FSTL4: variants seen among roughly 807,000 people sequenced by gnomAD.
FSTL4 encodes follistatin like 4.
Under a neutral mutation model 78.2 loss-of-function variants are expected in FSTL4, and 28 were observed. The observed-to-expected ratio is 0.36, with a 90% CI of 0.27 to 0.49. The LOEUF (loss-of-function observed/expected upper bound fraction) is 0.49, where lower values mean the gene tolerates loss of function less well. Among genes scored for constraint, FSTL4 ranks in the 20% least tolerant of loss-of-function variants. The probability of loss-of-function intolerance (pLI) is 0.98; values close to 1 mark genes in which losing one functional copy is unlikely to be tolerated. For synonymous variants in FSTL4, 422 were observed against 440.5 expected (o/e 0.96, Z 0.53); for missense variants, 922 against 1,084.9 (o/e 0.85, Z 2.11).
chr5:133,600,385 T>G (rs256249), intron 2 of FSTL4, among the ~76,000 whole-genome samples: 2 of 149,438 alleles, frequency 1.3e-5, no homozygotes, highest in African/African-American at 5.0e-5. Context: ...TTGGATGTAA[T>G]CCCGTCATAA....
chr5:133,288,499 T>C (rs1753187628), intron 6 of FSTL4, among the ~76,000 whole-genome samples: 2 of 152,222 alleles, frequency 1.3e-5, no homozygotes, highest in South Asian at 2.1e-4. Context: ...AACAGCTTCA[T>C]ATTCAGTACC....
At chr5:133,769,824 A>C in the FSTL4 span, among the ~76,000 whole-genome samples, 1 of 152,232 alleles carries the variant, frequency 6.6e-6, no homozygotes, top group South Asian at 2.1e-4. Flanking sequence ...ATTGTACCCA[A>C]TAGGAATTTT....
chr5:133,209,000 G>C (rs1438766786), intron 14 of FSTL4, among the ~76,000 whole-genome samples: 1 of 152,128 alleles, frequency 6.6e-6, no homozygotes, highest in Non-Finnish European at 1.5e-5. Context: ...GTTTTAAACT[G>C]GGAAATCTTT....
chr5:133,318,825 GTAAA>G (rs1753974178), intron 4 of FSTL4, among the ~76,000 whole-genome samples: 1 of 152,222 alleles, frequency 6.6e-6, no homozygotes. Flanking sequence ...TTGGTGGGGC[GTAAA>G]CCACTTCTGA....
chr5:133,785,430 C>T, the FSTL4 span, among the ~76,000 whole-genome samples: 1 of 152,224 alleles, frequency 6.6e-6, no homozygotes, highest in Non-Finnish European at 1.5e-5. Context: ...CTCCAGGGAA[C>T]CTCTACATGC....
chr5:133,427,681 A>C (rs780757291), intron 3 of FSTL4: 5 of 523,568 alleles, frequency 9.5e-6, no homozygotes, highest in Non-Finnish European at 1.6e-5. Flanking sequence ...GGGTCTAGGA[A>C]TGTGCCTTTT....
At chr5:133,291,012 A>G (rs1044620803) in intron 6 of FSTL4, among the ~76,000 whole-genome samples, 1 of 151,138 alleles carries the variant, frequency 6.6e-6, no homozygotes, top group South Asian at 2.1e-4. Context: ...TCCGTCTCCG[A>G]CTCCCCACCC....
chr5:133,376,403 T>C (rs991580216), intron 4 of FSTL4, among the ~76,000 whole-genome samples: 1 of 152,220 alleles, frequency 6.6e-6, no homozygotes, highest in Non-Finnish European at 1.5e-5. Context: ...CTTTGCATTA[T>C]ACCATTCACA....
At chr5:133,704,539 C>T in the FSTL4 span, among the ~76,000 whole-genome samples, 1 of 152,218 alleles carries the variant, frequency 6.6e-6, no homozygotes, top group South Asian at 2.1e-4. Flanking sequence ...ATCAAAGGGG[C>T]TCAAAGGCAC....
chr5:133,301,879 C>A (rs1255791568), intron 6 of FSTL4, among the ~76,000 whole-genome samples: 1 of 152,044 alleles, frequency 6.6e-6, no homozygotes, highest in Non-Finnish European at 1.5e-5. Context: ...CCAAGTACCC[C>A]CAAGCTAAAT....
In FSTL4 at chr5:133,199,782, G is replaced by T; in HGVS notation, c.1842C>A (p.Phe614Leu). ...IINHIRFGFI[F>L]NKSDPAVHKV... ...TGTGGACTGCAGGATCAGACTTGTTGAAGATGAAGCCAAACCTGGGAGGGG... is the reference window on the plus strand; with the variant it reads ...TGTGGACTGCAGGATCAGACTTGTTTAAGATGAAGCCAAACCTGGGAGGGG... Residue 614 changes from phenylalanine to leucine, a missense_variant, in exon 16 of 16, where the codon TTC becomes TTA. Transcript: ENST00000265342. This position sits in a 1 kb window ranked among gnomAD's most constrained non-coding sequence, Gnocchi z 4.4. The T allele has an allele frequency of 6.5e-7, 1 of 1,547,618 alleles. No individual in the cohort carries two copies. Among genetic ancestry groups the T allele is most frequent in the South Asian group, 1.2e-5 (1 of 85,028 alleles).
At chr5:133,821,209 A>G in the FSTL4 span, among the ~76,000 whole-genome samples, 4 of 152,262 alleles carry the variant, frequency 2.6e-5, no homozygotes, top group African/African-American at 4.8e-5. Context: ...GATTAGTCAC[A>G]GAATTTCTTG....
At chr5:133,620,391 T>C in the FSTL4 span, among the ~76,000 whole-genome samples, 2 of 152,216 alleles carry the variant, frequency 1.3e-5, no homozygotes, top group Admixed American at 6.5e-5. Flanking sequence ...TTTTTCTCTT[T>C]TTAACACTGT....
chr5:133,702,096 T>A, the FSTL4 span, among the ~76,000 whole-genome samples: 2 of 152,214 alleles, frequency 1.3e-5, no homozygotes, highest in Non-Finnish European at 2.9e-5. Context: ...CACATGTCCC[T>A]AAGGAACACA....
chr5:133,346,014 T>A (rs538211327), intron 4 of FSTL4, among the ~76,000 whole-genome samples: 1 of 152,272 alleles, frequency 6.6e-6, no homozygotes, highest in South Asian at 2.1e-4. Context: ...AACGGTAGAC[T>A]GGATAAAGGA....
At chr5:133,391,258 C>T (rs999895614) in intron 4 of FSTL4, among the ~76,000 whole-genome samples, 1 of 152,124 alleles carries the variant, frequency 6.6e-6, no homozygotes, top group Non-Finnish European at 1.5e-5. Flanking sequence ...ATTGAAGGCA[C>T]GATAGGGGAG....
At chr5:133,730,607 G>T in the FSTL4 span, among the ~76,000 whole-genome samples, 2 of 152,210 alleles carry the variant, frequency 1.3e-5, no homozygotes, top group Non-Finnish European at 2.9e-5. Context: ...ATCAAGTCCA[G>T]CAAAGCTGCT....
chr5:133,460,208 T>C (rs1757565782), intron 3 of FSTL4, among the ~76,000 whole-genome samples: 2 of 152,172 alleles, frequency 1.3e-5, no homozygotes. Context: ...TCTCTGCTTA[T>C]GTTACTTCAT....
At chr5:133,601,663 G>A (rs1404700343) in intron 2 of FSTL4, among the ~76,000 whole-genome samples, 1 of 151,322 alleles carries the variant, frequency 6.6e-6, no homozygotes, top group Admixed American at 6.6e-5. Flanking sequence ...TTTTTCCTTC[G>A]AGTTTTTTCT....
Sources: allele counts gnomAD v4.1 joint callset (sites outside exome capture counted in the v4.1 genomes callset), GRCh38; gene constraint gnomAD v4.1.1; non-coding constraint Gnocchi (gnomAD v3.1); transcripts MANE v1.5; gene names NCBI Gene and HGNC (gene_info 2026-07-23, HGNC 2026-07-21).